Variants in CCBE1 observed in about 807,000 individuals in gnomAD.
The protein encoded by CCBE1 is collagen and calcium-binding EGF domain-containing protein 1.
In CCBE1, 37 loss-of-function variants were observed where a neutral mutation model predicts 50.0. The ratio of observed to expected loss-of-function variants is 0.74; its 90% CI spans 0.57 to 0.97. The LOEUF (loss-of-function observed/expected upper bound fraction) is 0.97, where lower values mean the gene tolerates loss of function less well. Ranked by LOEUF, CCBE1 falls within the 50% of genes least tolerant of loss-of-function variation. The pLI, the probability that CCBE1 is intolerant of heterozygous loss-of-function variation, is 0.00. For missense variants in CCBE1, 538 were observed against 523.8 expected, an observed-to-expected ratio of 1.03 and a Z score of -0.26; for synonymous variants, 234 against 203.7, an observed-to-expected ratio of 1.15 and a Z score of -1.27.
chr18:59,502,051 G>C lies in CCBE1; in HGVS notation c.213-21813C>G, dbSNP rs189194479. 3.9e-5 allele frequency among the ~76,000 whole-genome samples: 6 copies of C among 152,198 alleles called. No homozygotes were observed. The East Asian group carries it at 1.2e-3, about 29-fold the overall frequency. ...TGAACTCAAGTGATCCTCCCACCTC[G>C]GCCTCCCACCAAGTGCTGGGATTAC... On this transcript the variant is annotated intron_variant, in intron 2 of 10. Transcript: ENST00000439986.
At chr18:59,461,569 G>A (rs1463232227) in intron 5 of CCBE1, among the ~76,000 whole-genome samples, 1 of 152,026 alleles carries the variant, frequency 6.6e-6, no homozygotes, top group Non-Finnish European at 1.5e-5. Context: ...GATAAATTCA[G>A]TGGAGACAAA....
chr18:59,684,825 A>G (rs2054635871), intron 2 of CCBE1, among the ~76,000 whole-genome samples: 2 of 152,230 alleles, frequency 1.3e-5, no homozygotes, highest in South Asian at 4.1e-4. Context: ...AACCACAGAA[A>G]GCATTATGTT....
At chr18:59,599,008 G>A (rs567371451) in intron 2 of CCBE1, among the ~76,000 whole-genome samples, 16 of 152,222 alleles carry the variant, frequency 1.1e-4, no homozygotes, top group East Asian at 9.7e-4. Context: ...AGCCATGGCC[G>A]ATATCAGACC....
chr18:59,561,617 C>T (rs1277718824), intron 2 of CCBE1, among the ~76,000 whole-genome samples: 1 of 152,188 alleles, frequency 6.6e-6, no homozygotes, highest in Admixed American at 6.5e-5. Context: ...TGCTCTTGGG[C>T]TCTTGGGGCT....
chr18:59,597,469 C>T (rs944846218), intron 2 of CCBE1, among the ~76,000 whole-genome samples: 5 of 152,152 alleles, frequency 3.3e-5, no homozygotes, highest in African/African-American at 7.2e-5. Flanking sequence ...ATGAGAAATT[C>T]CCATCTCCTT....
At chr18:59,637,711 A>C (rs1202319741) in intron 2 of CCBE1, among the ~76,000 whole-genome samples, 1 of 152,214 alleles carries the variant, frequency 6.6e-6, no homozygotes, top group Non-Finnish European at 1.5e-5. Flanking sequence ...TGCCTATAAA[A>C]TTTTAAACTG....
intron 2 of CCBE1, among the ~76,000 whole-genome samples, chr18:59,578,498 G>A (rs548074207): frequency 1.3e-5 from 2 of 152,102 alleles, no homozygotes; most frequent in Non-Finnish European, 2.9e-5. Context: ...ACATACACAC[G>A]TACGTTTACT....
rs1353959134 is a variant in CCBE1, at chr18:59,581,936, T to C, written c.213-101698A>G. Among the ~76,000 whole-genome samples the C allele has an allele frequency of 2.0e-5, 3 of 152,302 alleles. No homozygotes were observed. In the South Asian group the frequency reaches 6.2e-4, roughly 32 times the overall value. On this transcript the variant is annotated intron_variant, in intron 2 of 10. Coordinates refer to ENST00000439986, the MANE Select transcript of CCBE1 (RefSeq NM_133459.4). Reference sequence around the variant, plus strand: ...CATTTAGTGTTTTGGGTTCTCTGCCTTGTCTTGTTGCTGACAATCCTAACC... The same window carrying C: ...CATTTAGTGTTTTGGGTTCTCTGCCCTGTCTTGTTGCTGACAATCCTAACC...
rs73456383 is a variant in CCBE1 at position 59,660,160 on chromosome 18, C to T, written c.212+36469G>A. 8.2e-3 allele frequency among the ~76,000 whole-genome samples: 1,242 copies of T among 152,282 alleles called. 14 individuals carry two copies. The highest frequency in any genetic ancestry group is 0.027 in the African/African-American group (1,135 of 41,556). On this transcript the variant is annotated intron_variant, in intron 2 of 10. Coordinates refer to ENST00000439986, the MANE Select transcript of CCBE1 (RefSeq NM_133459.4). The stretch of plus-strand genomic sequence containing the variant: ...GGGGCCGAAATCCAGCCTGCACTCC[C>T]TCTATCAGCCTAAAGGAAGGGATAT...
At chr18:59,552,975 A>G (rs1200323293) in intron 2 of CCBE1, among the ~76,000 whole-genome samples, 1 of 152,148 alleles carries the variant, frequency 6.6e-6, no homozygotes, top group Non-Finnish European at 1.5e-5. Context: ...CAGAGATGGA[A>G]TGGTAGTCTC....
chr18:59,440,201 G>A (rs1460720336), intron 7 of CCBE1, among the ~76,000 whole-genome samples: 1 of 152,196 alleles, frequency 6.6e-6, no homozygotes, highest in Admixed American at 6.5e-5. Flanking sequence ...CACCACCACA[G>A]AGAAGTGGTG....
intron 2 of CCBE1, among the ~76,000 whole-genome samples, chr18:59,654,498 C>G (rs144694314): frequency 3.9e-4 from 59 of 152,202 alleles, no homozygotes; most frequent in African/African-American, 1.4e-3. Flanking sequence ...GTGGCACACA[C>G]CTGTAATTCC....
chr18:59,673,149 G>T (rs1043013826), intron 2 of CCBE1, among the ~76,000 whole-genome samples: 2 of 152,160 alleles, frequency 1.3e-5, no homozygotes, highest in Non-Finnish European at 2.9e-5. Flanking sequence ...GGAACATGAG[G>T]ATTAAAAATA....
At chr18:59,601,356 C>T (rs942503297) in intron 2 of CCBE1, among the ~76,000 whole-genome samples, 1 of 152,000 alleles carries the variant, frequency 6.6e-6, no homozygotes, top group Non-Finnish European at 1.5e-5. Flanking sequence ...ATGCTGTTCT[C>T]ATGACAGTAA....
At chr18:59,491,368 C>G (rs891064937) in intron 2 of CCBE1, among the ~76,000 whole-genome samples, 1 of 152,160 alleles carries the variant, frequency 6.6e-6, no homozygotes, top group Non-Finnish European at 1.5e-5. Context: ...GATTTATACC[C>G]TCACCTTACT....
chr18:59,461,257 A>T (rs1255689158), intron 5 of CCBE1, among the ~76,000 whole-genome samples: 2 of 147,290 alleles, frequency 1.4e-5, no homozygotes, highest in African/African-American at 5.0e-5. Context: ...CTTCCCCGCC[A>T]CCACTGGCCC....
At chr18:59,557,033 A>G (rs556209048) in intron 2 of CCBE1, among the ~76,000 whole-genome samples, 1 of 152,230 alleles carries the variant, frequency 6.6e-6, no homozygotes, top group East Asian at 1.9e-4. Context: ...CACCCTCTCA[A>G]GGTCAGTGTA....
intron 2 of CCBE1, among the ~76,000 whole-genome samples, chr18:59,505,238 G>C (rs1394152231): frequency 6.6e-6 from 1 of 152,188 alleles, no homozygotes; most frequent in Non-Finnish European, 1.5e-5. Flanking sequence ...TGACTACTGT[G>C]TTCCTCTTCC....
At chr18:59,543,847 A>AC (rs1555690358) in intron 2 of CCBE1, among the ~76,000 whole-genome samples, 3 of 78,598 alleles carry the variant, frequency 3.8e-5, no homozygotes, top group Middle Eastern at 0.011. Flanking sequence ...AAAAAAAAAA[A>AC]AAAAAAAAAA....
Sources: allele counts gnomAD v4.1 joint callset (sites outside exome capture counted in the v4.1 genomes callset), GRCh38; gene constraint gnomAD v4.1.1; transcripts MANE v1.5; gene names NCBI Gene and HGNC (gene_info 2026-07-23, HGNC 2026-07-21).